Variants in CRB1 observed in about 807,000 individuals in gnomAD.
CRB1 encodes the protein crumbs cell polarity complex component 1.
Under a neutral mutation model 120.0 loss-of-function variants are expected in CRB1, and 83 were observed. The ratio of observed to expected loss-of-function variants is 0.69; its 90% CI spans 0.58 to 0.83. The LOEUF is 0.83. Ranked by LOEUF, CRB1 falls within the 40% of genes least tolerant of loss-of-function variation. The pLI, the probability that CRB1 is intolerant of heterozygous loss-of-function variation, is 0.00. For missense variants in CRB1, 1,699 were observed against 1,687.6 expected, an observed-to-expected ratio of 1.01 and a Z score of -0.12; for synonymous variants, 625 against 612.5, an observed-to-expected ratio of 1.02 and a Z score of -0.30.
chr1:197,314,369 T>C (rs1657721970), intron 1 of CRB1, among the ~76,000 whole-genome samples: 2 of 152,196 alleles, frequency 1.3e-5, no homozygotes, highest in African/African-American at 4.8e-5. Context: ...TCTCATTGGG[T>C]CCTTCTTATA....
chr1:197,410,070 C>T (rs1402940678), intron 5 of CRB1, among the ~76,000 whole-genome samples: 2 of 152,326 alleles, frequency 1.3e-5, no homozygotes, highest in Non-Finnish European at 2.9e-5. Flanking sequence ...CAGGCGTGAG[C>T]CACTGCGCCC....
chr1:197,475,361 A>C (rs1192820961), intron 11 of CRB1, among the ~76,000 whole-genome samples: 2 of 152,126 alleles, frequency 1.3e-5, no homozygotes, highest in East Asian at 3.9e-4. Flanking sequence ...ATGTGGTATC[A>C]ACAGCCATCT....
chr1:197,469,392 A>G (rs1215566976), intron 11 of CRB1, among the ~76,000 whole-genome samples: 2 of 152,112 alleles, frequency 1.3e-5, no homozygotes, highest in Non-Finnish European at 2.9e-5. Context: ...GAATAGATGA[A>G]TTACCTAGGG....
At chr1:197,345,283 T>TTA (rs933249418) in intron 3 of CRB1, among the ~76,000 whole-genome samples, 9 of 152,106 alleles carry the variant, frequency 5.9e-5, no homozygotes, top group Non-Finnish European at 1.5e-5. Context: ...AGATAAGTAT[T>TTA]TATGTTTCCA....
Position 197,434,849 on chromosome 1 carries a change from C to A in CRB1, c.2986C>A (p.Pro996Thr). The A allele has an allele frequency of 6.2e-7, 1 of 1,613,758 alleles. No homozygotes were observed. The highest frequency in any genetic ancestry group is 8.5e-7 in the Non-Finnish European group (1 of 1,179,784). The stretch of plus-strand genomic sequence containing the variant: ...AATAATATTGCATGCAGAAAAAGAG[C>A]CTGAATTTCTTAATATTAGCATTCA... ...NVIILHAEKE[P>T]EFLNISIQDS... Residue 996 changes from proline (P) to threonine (T), a missense_variant, in exon 9 of 12, where the codon CCT becomes ACT. By Grantham distance (38) the Pro-to-Thr change is conservative. Coordinates refer to ENST00000367400, the MANE Select transcript of CRB1 (RefSeq NM_201253.3).
the CRB1 span, among the ~76,000 whole-genome samples, chr1:197,243,042 C>T: frequency 1.3e-5 from 2 of 151,750 alleles, no homozygotes; most frequent in Non-Finnish European, 2.9e-5. Flanking sequence ...TTTTTTATTG[C>T]ATCTATCTGA....
intron 1 of CRB1, among the ~76,000 whole-genome samples, chr1:197,279,894 C>A (rs534298523): frequency 6.7e-6 from 1 of 150,076 alleles, no homozygotes; most frequent in South Asian, 2.1e-4. Context: ...CTACCAGATA[C>A]AACCAACCTC....
intron 1 of CRB1, among the ~76,000 whole-genome samples, chr1:197,298,770 A>G (rs1023598920): frequency 2.6e-5 from 4 of 152,164 alleles, no homozygotes; most frequent in Non-Finnish European, 4.4e-5. Context: ...TATTGCCATC[A>G]TTGGGAACAG....
intron 8 of CRB1, 84 bp from the exon 9 acceptor site, chr1:197,434,622 C>T (rs1665032936): frequency 8.3e-7 from 1 of 1,201,472 alleles, no homozygotes; most frequent in African/African-American, 1.5e-5. Flanking sequence ...GTTATTAACA[C>T]AATGATCATT....
chr1:197,223,713 C>G, the CRB1 span, among the ~76,000 whole-genome samples: 2 of 152,222 alleles, frequency 1.3e-5, no homozygotes, highest in African/African-American at 4.8e-5. Flanking sequence ...ATCTCTGAAA[C>G]AAGAGGAAAG....
intron 2 of CRB1, among the ~76,000 whole-genome samples, chr1:197,341,979 T>C (rs980628968): frequency 1.9e-4 from 29 of 152,088 alleles, no homozygotes; most frequent in Non-Finnish European, 1.0e-4. Flanking sequence ...ATACAAAAAC[T>C]TTGAGTGGTA....
At chr1:197,447,623 C>A (rs1269353381) in intron 11 of CRB1, among the ~76,000 whole-genome samples, 7 of 151,992 alleles carry the variant, frequency 4.6e-5, no homozygotes, top group Admixed American at 3.9e-4. Flanking sequence ...AGTAAGATCA[C>A]TTGAGTCTAG....
In CRB1 at chr1:197,427,659, C is replaced by T. The variant is rs765210114; in HGVS notation, c.2334C>T (p.Asn778=). Residue 778 remains asparagine, a synonymous_variant, in exon 7 of 12, where the codon AAC becomes AAT. Coordinates refer to ENST00000367400, the MANE Select transcript of CRB1 (RefSeq NM_201253.3). Reference sequence around the variant, plus strand: ...GCAGACTAGCAATGCTGACTCCAAACTCTCCCAAATTAGTAGTAAAATTTG... The same window carrying T: ...GCAGACTAGCAATGCTGACTCCAAATTCTCCCAAATTAGTAGTAAAATTTG... ...ERGRLAMLTP[N]SPKLVVKFVL... The T allele has an allele frequency of 6.2e-7, 1 of 1,613,934 alleles. No individual in the cohort carries two copies. The highest frequency in any genetic ancestry group is 1.3e-5 in the African/African-American group (1 of 75,046).
the CRB1 span, among the ~76,000 whole-genome samples, chr1:197,237,196 T>C: frequency 2.0e-5 from 3 of 152,162 alleles, no homozygotes; most frequent in Non-Finnish European, 4.4e-5. Flanking sequence ...TGATTACTAA[T>C]TATTGATTCA....
intron 4 of CRB1, among the ~76,000 whole-genome samples, chr1:197,355,108 T>C (rs949239957): frequency 5.3e-5 from 8 of 151,904 alleles, no homozygotes; most frequent in Middle Eastern, 3.2e-3. Flanking sequence ...AGGGTGCTGA[T>C]TGATGTGTTT....
At chr1:197,404,278 G>C (rs1663217568) in intron 5 of CRB1, among the ~76,000 whole-genome samples, 1 of 151,832 alleles carries the variant, frequency 6.6e-6, no homozygotes, top group African/African-American at 2.4e-5. Flanking sequence ...TGAAAACCAC[G>C]TCTCTGTACT....
chr1:197,253,821 G>A, the CRB1 span, among the ~76,000 whole-genome samples: 1 of 151,896 alleles, frequency 6.6e-6, no homozygotes, highest in African/African-American at 2.4e-5. Flanking sequence ...AACTATCAAG[G>A]TTTTAAGGAA....
At chr1:197,317,470 T>A (rs6662057) in intron 1 of CRB1, among the ~76,000 whole-genome samples, 24,177 of 150,882 alleles carry the variant, frequency 0.16, 2,183 homozygotes, top group Middle Eastern at 0.24. Context: ...CCAATGACAA[T>A]CTTCCCAAAA....
In CRB1 at chr1:197,342,921, T is replaced by C. The variant is rs149507631; in HGVS notation, c.653-1360T>C. On this transcript the variant is annotated intron_variant, in intron 2 of 11. Coordinates refer to ENST00000367400, the MANE Select transcript of CRB1 (RefSeq NM_201253.3). Reference sequence around the variant, plus strand: ...CTTCCATGACCTTAGTTATGCCAAGTAAAATAGCCATGGAAAATCTCATTC... The same window carrying C: ...CTTCCATGACCTTAGTTATGCCAAGCAAAATAGCCATGGAAAATCTCATTC... Among the ~76,000 whole-genome samples, 454 of 152,284 alleles carry C rather than the reference T, an allele frequency of 3.0e-3. 1 individual carries two copies. Among genetic ancestry groups the C allele is most frequent in the Non-Finnish European group, 4.0e-3 (271 of 68,018 alleles).
Sources: allele counts gnomAD v4.1 joint callset (sites outside exome capture counted in the v4.1 genomes callset), GRCh38; gene constraint gnomAD v4.1.1; transcripts MANE v1.5; gene names NCBI Gene and HGNC (gene_info 2026-07-23, HGNC 2026-07-21).